The following ZNF701 variants were observed in gnomAD, a reference collection of about 807,000 sequenced individuals.
The protein encoded by ZNF701 is zinc finger protein 701.
In ZNF701, 6 loss-of-function variants were observed where a neutral mutation model predicts 7.1. That is an observed-to-expected ratio of 0.84 (90% confidence interval 0.46 to 1.66). The LOEUF (loss-of-function observed/expected upper bound fraction) is 1.66. Among genes scored for constraint, ZNF701 ranks in the 40% most tolerant of loss-of-function variants. ZNF701 has a pLI of 0.01. For missense variants in ZNF701, 541 were observed against 559.2 expected, an observed-to-expected ratio of 0.97 and a Z score of 0.33; for synonymous variants, 166 against 188.2, an observed-to-expected ratio of 0.88 and a Z score of 0.97.
chr19:52,594,989 T>C, the ZNF701 span, among the ~76,000 whole-genome samples: 1 of 151,860 alleles, frequency 6.6e-6, no homozygotes, highest in Non-Finnish European at 1.5e-5. Flanking sequence ...GACTGAACTC[T>C]TTTTTTCTGG....
rs1156599125 is a variant in ZNF701 at position 52,585,658 on chromosome 19, C to A, written c.*2201C>A. On this transcript the variant is annotated 3_prime_UTR_variant, in exon 4 of 4. Transcript: ENST00000391785. Reference sequence around the variant, plus strand: ...CAGGGTGGGGGTGGGCCCAAGCGAGCGTCTCCAGGGCCCCATTTACAAAGT... The same window carrying A: ...CAGGGTGGGGGTGGGCCCAAGCGAGAGTCTCCAGGGCCCCATTTACAAAGT... The A allele has an allele frequency of 6.6e-6, 1 of 151,844 alleles. No homozygotes were observed. Among genetic ancestry groups the A allele is most frequent in the Non-Finnish European group, 1.5e-5 (1 of 67,982 alleles). The allele number at this position is 151,844 out of a possible 1,614,324, so 9.4% of individuals were successfully genotyped here.
At chr19:52,599,865 A>G in the ZNF701 span, among the ~76,000 whole-genome samples, 1 of 152,150 alleles carries the variant, frequency 6.6e-6, no homozygotes, top group East Asian at 1.9e-4. Flanking sequence ...ACACTTGCCA[A>G]AAGTTGTGGG....
the ZNF701 span, among the ~76,000 whole-genome samples, chr19:52,595,272 C>A: frequency 3.2e-5 from 4 of 123,860 alleles, no homozygotes; most frequent in Non-Finnish European, 6.9e-5. Context: ...TATTTACCAT[C>A]TGTACTTTTT....
chr19:52,598,509 A>C, the ZNF701 span: 1 of 152,130 alleles, frequency 6.6e-6, no homozygotes, highest in Non-Finnish European at 1.5e-5. Context: ...GGGATTATTA[A>C]ACTAAGCAAG....
chr19:52,581,465 C>G (rs1168125671), intron 3 of ZNF701, among the ~76,000 whole-genome samples: 2 of 152,224 alleles, frequency 1.3e-5, no homozygotes, highest in African/African-American at 4.8e-5. Flanking sequence ...GGTGATTTGC[C>G]TGTCTCGGCC....
rs888298417 is a variant in ZNF701, at chr19:52,586,642, C to G, written c.*3185C>G. The G allele has an allele frequency of 6.6e-6, 1 of 152,144 alleles. No individual in the cohort carries two copies. The highest frequency in any genetic ancestry group is 1.5e-5 in the Non-Finnish European group (1 of 68,040). 9.4% of individuals were successfully genotyped at this position (152,144 alleles called of 1,614,324 possible). On this transcript the variant is annotated 3_prime_UTR_variant, in exon 4 of 4. Coordinates refer to ENST00000391785, the MANE Select transcript of ZNF701 (RefSeq NM_018260.3). ...GAAAATCAGCGACTCTTCCTTCTTACAAAACTCGGAGCTTCTCAGGATAAC... is the reference window on the plus strand; with the variant it reads ...GAAAATCAGCGACTCTTCCTTCTTAGAAAACTCGGAGCTTCTCAGGATAAC...
chr19:52,583,225 A>G lies in ZNF701; in HGVS notation c.1166A>G (p.Lys389Arg), dbSNP rs768738821. The G allele has an allele frequency of 3.7e-6, 6 of 1,610,162 alleles. No homozygotes were observed. In the Admixed American group the frequency reaches 5.0e-5, roughly 13 times the overall value. The stretch of plus-strand genomic sequence containing the variant: ...CCTTACAAGTGTAATGAGTGTGGCA[A>G]GACCTTTGTTCAAAATTCATCTCTT... ...EKPYKCNECGKTFVQNSSLVM... is the reference protein window; with the variant it reads ...EKPYKCNECGRTFVQNSSLVM... The change falls in exon 4 of 4, where the codon AAG becomes AGG. Residue 389 changes from lysine to arginine, a missense_variant. Coordinates refer to ENST00000391785, the MANE Select transcript of ZNF701 (RefSeq NM_018260.3).
chr19:52,576,026 G>A lies in ZNF701; in HGVS notation c.142+5G>A. On this transcript the variant is annotated splice_donor_5th_base_variant and intron_variant, in intron 3 of 3. Coordinates refer to ENST00000391785, the MANE Select transcript of ZNF701 (RefSeq NM_018260.3). ...ATAGGAACCTGGTCTCCCTGGGTGAGGATAACTTCCCTCCAGAAGTGGGGA... is the reference window on the plus strand; with the variant it reads ...ATAGGAACCTGGTCTCCCTGGGTGAAGATAACTTCCCTCCAGAAGTGGGGA... 2 of 1,585,700 alleles carry A rather than the reference G, an allele frequency of 1.3e-6. No homozygotes were observed. Among genetic ancestry groups the A allele is most frequent in the Non-Finnish European group, 1.7e-6 (2 of 1,172,912 alleles).
At chr19:52,595,125 C>T in the ZNF701 span, among the ~76,000 whole-genome samples, 6 of 151,926 alleles carry the variant, frequency 3.9e-5, no homozygotes, top group African/African-American at 1.5e-4. Flanking sequence ...GGAATTACAG[C>T]CGCCCACCAC....
intron 1 of ZNF701, 57 bp from the exon 2 acceptor site, chr19:52,574,020 T>C: frequency 1.3e-6 from 2 of 1,555,462 alleles, no homozygotes; most frequent in Non-Finnish European, 1.8e-6. Flanking sequence ...TGTCATTGTG[T>C]TACAGGCAGG....
At chr19:52,577,439 G>C (rs181751939) in intron 3 of ZNF701, among the ~76,000 whole-genome samples, 21 of 152,252 alleles carry the variant, frequency 1.4e-4, no homozygotes, top group African/African-American at 5.1e-4. Flanking sequence ...AAAGAAAATA[G>C]TTACAATAAG....
rs771300702 is a variant in ZNF701, at chr19:52,579,037, C to A, written c.142+3016C>A. Among the ~76,000 whole-genome samples the A allele has an allele frequency of 1.4e-5, 2 of 143,946 alleles. 1 individual carries two copies. The highest frequency in any genetic ancestry group is 5.9e-5 in the African/African-American group (2 of 34,138). The allele number at this position is 143,946 out of a possible 152,430, so 94.4% of individuals were successfully genotyped here. A position where few individuals can be genotyped will look rare whatever the true frequency, so the allele number is the denominator to read the frequency against. On this transcript the variant is annotated intron_variant, in intron 3 of 3. Coordinates refer to ENST00000391785, the MANE Select transcript of ZNF701 (RefSeq NM_018260.3). The stretch of plus-strand genomic sequence containing the variant: ...CTGGGATTACAGACGTGAGCCACCG[C>A]GCCCCGCCGTGCCCATTTCTTTCAG...
At chr19:52,573,995 G>C (rs562800411) in intron 1 of ZNF701, 82 bp from the exon 2 acceptor site, 1 of 1,419,204 alleles carries the variant, frequency 7.0e-7, no homozygotes. Flanking sequence ...TTCAGAGTGA[G>C]GGCACCTTTG....
intron 3 of ZNF701, among the ~76,000 whole-genome samples, chr19:52,580,034 C>T (rs1273515531): frequency 1.4e-5 from 2 of 142,290 alleles, no homozygotes; most frequent in Admixed American, 6.8e-5. Context: ...CTCCACCTCC[C>T]GGGGTCACAC....
downstream of ZNF701, among the ~76,000 whole-genome samples, chr19:52,590,189 C>T (rs936459071): frequency 1.3e-5 from 2 of 151,778 alleles, no homozygotes; most frequent in Non-Finnish European, 2.9e-5. Flanking sequence ...CAACCTCTGC[C>T]TCCCATGCTC....
chr19:52,571,368 C>CG (rs756365985), intron 1 of ZNF701, among the ~76,000 whole-genome samples: 1 of 151,234 alleles, frequency 6.6e-6, no homozygotes, highest in Non-Finnish European at 1.5e-5. Flanking sequence ...AGAGTGGGGA[C>CG]GGGGGGTAAA....
the ZNF701 span, chr19:52,597,079 A>G: frequency 8.5e-7 from 1 of 1,181,234 alleles, no homozygotes; most frequent in Admixed American, 1.8e-5. Flanking sequence ...CATAATGAAG[A>G]CAGATCTTAC....
intron 3 of ZNF701, among the ~76,000 whole-genome samples, chr19:52,578,817 G>C (rs1177113286): frequency 6.6e-6 from 1 of 152,138 alleles, no homozygotes. Context: ...GAGTGCAGTG[G>C]TGCGATCTCG....
At chr19:52,571,942 G>A (rs1204675055) in intron 1 of ZNF701, among the ~76,000 whole-genome samples, 1 of 152,178 alleles carries the variant, frequency 6.6e-6, no homozygotes, top group East Asian at 1.9e-4. Context: ...TCCTGCCTCA[G>A]CCTCCCTAGT....
Sources: allele counts gnomAD v4.1 joint callset (sites outside exome capture counted in the v4.1 genomes callset), GRCh38; gene constraint gnomAD v4.1.1; transcripts MANE v1.5; gene names NCBI Gene and HGNC (gene_info 2026-07-23, HGNC 2026-07-21).